Variants in FNDC3A observed in about 807,000 individuals in gnomAD.
FNDC3A encodes fibronectin type-III domain-containing protein 3A.
In FNDC3A, 32 loss-of-function variants were observed where a neutral mutation model predicts 148.9. That is an observed-to-expected ratio of 0.21 (90% CI 0.16 to 0.29). FNDC3A has a LOEUF of 0.29. FNDC3A is among the 10% of genes least tolerant of loss of function. FNDC3A has a pLI of 1.00. For synonymous variants in FNDC3A, 472 were observed against 473.6 expected, an observed-to-expected ratio of 1.00 and a Z score of 0.04; for missense variants, 1,191 against 1,452.8, an observed-to-expected ratio of 0.82 and a Z score of 2.93.
At chr13:49,061,005 C>T (rs934255059) in intron 2 of FNDC3A, among the ~76,000 whole-genome samples, 1 of 151,994 alleles carries the variant, frequency 6.6e-6, no homozygotes, top group Non-Finnish European at 1.5e-5. Flanking sequence ...ATGAATTTCA[C>T]TTCAATAAAA....
rs1285515173 is a variant in FNDC3A at position 49,066,960 on chromosome 13, G to A, written c.100-8329G>A. 3.3e-5 allele frequency among the ~76,000 whole-genome samples: 5 copies of A among 152,120 alleles called. No homozygotes were observed. In the East Asian group the frequency reaches 9.6e-4, roughly 29 times the overall value. On this transcript the variant is annotated intron_variant, in intron 2 of 25. Transcript: ENST00000492622. ...TGCTTGCATGTTTATTCAAAAAACA[G>A]TCTATTTTTTAATTACCTCGGAGAA...
chr13:49,136,545 C>T lies in FNDC3A; in HGVS notation c.704C>T (p.Ala235Val). 6.2e-7 allele frequency: 1 copy of T among 1,613,764 alleles called. No individual in the cohort carries two copies. Among genetic ancestry groups the T allele is most frequent in the Non-Finnish European group, 8.5e-7 (1 of 1,179,844 alleles). The change falls in exon 6 of 26, where the codon GCA becomes GTA. Residue 235 changes from alanine (A) to valine (V), a missense_variant. This residue lies in a region of FNDC3A where 426 missense variants were observed against 473.2 expected (regional missense o/e 0.90). Transcript: ENST00000492622. ...QIAGGINTGS[A>V]KIKSGKGKGG... ...GCTGGTGGTATAAACACAGGATCAG[C>T]AAAAATCAAGTCTGGGAAGGGGAAA...
intron 3 of FNDC3A, chr13:49,110,227 T>C (rs776285021): frequency 1.5e-4 from 111 of 751,398 alleles, no homozygotes; most frequent in Non-Finnish European, 2.1e-4. Flanking sequence ...CCTTGCCCTT[T>C]CCTGGGTCAC....
At position 49,110,238 on chromosome 13, in the gene FNDC3A, T is replaced by C; in HGVS notation, c.176-4417T>C. ...TCCCCCTTGCCCTTTCCTGGGTCACTGCAGGTCACGTGATGACTGTCACGT... is the reference window on the plus strand; with the variant it reads ...TCCCCCTTGCCCTTTCCTGGGTCACCGCAGGTCACGTGATGACTGTCACGT... On this transcript the variant is annotated intron_variant, in intron 3 of 25. Transcript: ENST00000492622. The C allele has an allele frequency of 3.3e-6, 3 of 918,990 alleles. No individual in the cohort carries two copies. The East Asian group carries it at 8.8e-5, about 27-fold the overall frequency. The allele number at this position is 918,990 out of a possible 1,614,324, so 56.9% of individuals were successfully genotyped here.
intron 3 of FNDC3A, among the ~76,000 whole-genome samples, chr13:49,114,410 T>TCCCCCCCCCCCC (rs71188346): frequency 7.3e-5 from 6 of 81,698 alleles, no homozygotes; most frequent in Admixed American, 1.3e-4. Flanking sequence ...CCCTCCAACC[T>TCCCCCCCCCCCC]CCCCGCCCCC....
At chr13:49,012,508 G>T (rs1427714695) in intron 2 of FNDC3A, among the ~76,000 whole-genome samples, 1 of 151,934 alleles carries the variant, frequency 6.6e-6, no homozygotes, top group Non-Finnish European at 1.5e-5. Flanking sequence ...GTATTCTTGG[G>T]CCTTTACATT....
intron 11 of FNDC3A, among the ~76,000 whole-genome samples, chr13:49,174,197 T>C (rs113234074): frequency 6.4e-4 from 98 of 152,258 alleles, no homozygotes; most frequent in African/African-American, 2.0e-3. Context: ...AGATTTAACA[T>C]TGGCTAAAAG....
chr13:48,975,917 G>A lies in FNDC3A; in HGVS notation c.-300G>A, dbSNP rs1028585838. On this transcript the variant is annotated 5_prime_UTR_variant, in exon 1 of 26. Coordinates refer to ENST00000492622, the MANE Select transcript of FNDC3A (RefSeq NM_001079673.2). ...GCGCCGACTTCGGGCTCCTCCTCCC[G>A]GCTCCGTAGTAAGCATGGCGGCGGC... is the stretch of plus-strand genomic sequence containing the variant. 6.6e-6 allele frequency: 1 copy of A among 151,876 alleles called. No individual in the cohort carries two copies. The highest frequency in any genetic ancestry group is 2.4e-5 in the African/African-American group (1 of 41,410). The allele number at this position is 151,876 out of a possible 1,614,324, so 9.4% of individuals were successfully genotyped here.
intron 2 of FNDC3A, among the ~76,000 whole-genome samples, chr13:49,016,813 G>A (rs1483536162): frequency 2.0e-5 from 3 of 151,726 alleles, no homozygotes; most frequent in South Asian, 2.1e-4. Flanking sequence ...CTTTGTTCTC[G>A]TTGGTTTCAA....
intron 2 of FNDC3A, among the ~76,000 whole-genome samples, chr13:49,068,801 G>C (rs774883603): frequency 1.4e-4 from 22 of 152,122 alleles, no homozygotes; most frequent in Non-Finnish European, 2.6e-4. Flanking sequence ...ACTAACGCAG[G>C]AACAGAAAAC....
intron 8 of FNDC3A, among the ~76,000 whole-genome samples, chr13:49,151,367 A>G (rs901347139): frequency 3.3e-5 from 5 of 152,134 alleles, no homozygotes; most frequent in Non-Finnish European, 7.4e-5. Flanking sequence ...TTTTTGACAT[A>G]AAGTCTGTTT....
intron 3 of FNDC3A, among the ~76,000 whole-genome samples, chr13:49,107,421 TATGGGCACAGATGC>T: frequency 6.6e-6 from 1 of 152,270 alleles, no homozygotes; most frequent in South Asian, 2.1e-4. Context: ...TTACCATGTT[TATGGGCACAGATGC>T]AATGGTTCAA....
chr13:49,160,062 T>C (rs1364966832), intron 8 of FNDC3A, among the ~76,000 whole-genome samples: 2 of 152,210 alleles, frequency 1.3e-5, no homozygotes, highest in Non-Finnish European at 2.9e-5. Flanking sequence ...TCATCAGGGA[T>C]ATTGGTCTAA....
chr13:49,146,121 C>T lies in FNDC3A; in HGVS notation c.977+186C>T, dbSNP rs1351612574. 5.8e-6 allele frequency: 3 copies of T among 520,320 alleles called. No homozygotes were observed. The African/African-American group carries it at 6.0e-5, about 10-fold the overall frequency. 32.2% of individuals were successfully genotyped at this position (520,320 alleles called of 1,614,324 possible). On this transcript the variant is annotated intron_variant, in intron 8 of 25. Transcript: ENST00000492622. ...CTTGGTACACATTTCTGTCTACCTT[C>T]CTTCAGAATAATCACTTTTATTGGC...
chr13:49,044,955 G>A, intron 2 of FNDC3A: 1 of 303,572 alleles, frequency 3.3e-6, no homozygotes, highest in Non-Finnish European at 6.4e-6. Flanking sequence ...TGAGTAAAGA[G>A]CATGTATTCT....
intron 1 of FNDC3A, among the ~76,000 whole-genome samples, chr13:49,002,008 C>T (rs935627306): frequency 1.3e-5 from 2 of 152,114 alleles, no homozygotes; most frequent in Non-Finnish European, 1.5e-5. Flanking sequence ...ACAGAACCTG[C>T]GGACATGTCT....
rs748690657 is a variant in FNDC3A, at chr13:49,186,108, ATAT to A, written c.1756+10_1756+12del. 8 of 1,599,082 alleles carry A rather than the reference ATAT, an allele frequency of 5.0e-6. No homozygotes were observed. Among genetic ancestry groups the A allele is most frequent in the Non-Finnish European group, 6.0e-6 (7 of 1,168,580 alleles). ...CAGTTTTAAAATAACCTGGGGTAAG[ATAT>A]TATGCATGTTTATACATTATTACTT... is the stretch of plus-strand genomic sequence containing the variant. On this transcript the variant is annotated splice_region_variant and intron_variant, in intron 15 of 25. Coordinates refer to ENST00000492622, the MANE Select transcript of FNDC3A (RefSeq NM_001079673.2).
At chr13:48,979,483 A>G (rs1951661159) in intron 1 of FNDC3A, among the ~76,000 whole-genome samples, 1 of 152,128 alleles carries the variant, frequency 6.6e-6, no homozygotes, top group African/African-American at 2.4e-5. Flanking sequence ...TGGAAGTAGT[A>G]GTAGAATAAG....
chr13:49,086,203 T>G (rs1396895239), intron 3 of FNDC3A, among the ~76,000 whole-genome samples: 1 of 152,340 alleles, frequency 6.6e-6, no homozygotes, highest in South Asian at 2.1e-4. Flanking sequence ...TCTTTGTAGG[T>G]GGTAATGCAT....
Sources: gnomAD v4.1 joint callset for allele counts (sites outside exome capture counted in the v4.1 genomes callset) on GRCh38, gnomAD v4.1.1 for gene constraint, gnomAD v4.1.1 regional missense constraint, MANE v1.5 for transcripts, NCBI Gene and HGNC (gene_info 2026-07-23, HGNC 2026-07-21) for gene names.